P2RY12: variants seen among roughly 807,000 people sequenced by gnomAD.
P2RY12 encodes the protein purinergic receptor P2Y12.
Under a neutral mutation model 4.5 loss-of-function variants are expected in P2RY12, and 3 were observed. The ratio of observed to expected loss-of-function variants is 0.67; its 90% confidence interval spans 0.31 to 1.74. The LOEUF (loss-of-function observed/expected upper bound fraction) is 1.74. P2RY12 is among the 40% of genes most tolerant of loss of function. The pLI, the probability that P2RY12 is intolerant of heterozygous loss-of-function variation, is 0.09. For missense variants in P2RY12, 356 were observed against 407.8 expected, an observed-to-expected ratio of 0.87 and a Z score of 1.09; for synonymous variants, 148 against 154.1, an observed-to-expected ratio of 0.96 and a Z score of 0.29.
intron 1 of P2RY12, chr3:151,382,639 T>A: frequency 6.3e-7 from 1 of 1,596,040 alleles, no homozygotes; most frequent in South Asian, 1.1e-5. Flanking sequence ...AATGGGGAGT[T>A]TTTTTCCGGA....
At chr3:151,347,904 A>T (rs1189270130) in intron 1 of P2RY12, among the ~76,000 whole-genome samples, 1 of 152,206 alleles carries the variant, frequency 6.6e-6, no homozygotes, top group Non-Finnish European at 1.5e-5. Context: ...ACCAGTATGC[A>T]GTCACAGCTC....
intron 1 of P2RY12, chr3:151,355,051 A>C (rs970853195): frequency 3.6e-6 from 4 of 1,111,456 alleles, no homozygotes; most frequent in Non-Finnish European, 5.4e-6. Flanking sequence ...CTTTAAAAAA[A>C]AGTATCCATT....
chr3:151,361,577 A>G (rs1483339325), intron 1 of P2RY12, among the ~76,000 whole-genome samples: 1 of 152,132 alleles, frequency 6.6e-6, no homozygotes, highest in East Asian at 1.9e-4. Flanking sequence ...GGAATATTTT[A>G]TTGTTTAATG....
chr3:151,356,574 G>A (rs1753949018), intron 1 of P2RY12, among the ~76,000 whole-genome samples: 1 of 151,800 alleles, frequency 6.6e-6, no homozygotes, highest in African/African-American at 2.4e-5. Flanking sequence ...TATCATTGGT[G>A]CCAAAATATA....
chr3:151,382,762 G>T (rs1230431709), intron 1 of P2RY12: 2 of 1,589,296 alleles, frequency 1.3e-6, no homozygotes. Context: ...GACATTTCTA[G>T]TATTTTCCCT....
chr3:151,366,530 C>G (rs3975403), intron 1 of P2RY12, among the ~76,000 whole-genome samples: 116,235 of 152,196 alleles, frequency 0.76, 45,062 homozygotes, highest in African/African-American at 0.89. Flanking sequence ...ATATCACTGA[C>G]TTCCTTGGAT....
At chr3:151,344,535 A>G (rs1752292669) in intron 1 of P2RY12, among the ~76,000 whole-genome samples, 1 of 152,170 alleles carries the variant, frequency 6.6e-6, no homozygotes, top group Non-Finnish European at 1.5e-5. Flanking sequence ...AAATGCATTT[A>G]TTGTTTCTAA....
At chr3:151,354,360 C>T (rs536321158) in intron 1 of P2RY12, among the ~76,000 whole-genome samples, 1 of 152,066 alleles carries the variant, frequency 6.6e-6, no homozygotes, top group Non-Finnish European at 1.5e-5. Flanking sequence ...TTGGAATTTT[C>T]TTCAAACCTC....
chr3:151,357,338 A>G, intron 1 of P2RY12: 3 of 1,613,536 alleles, frequency 1.9e-6, no homozygotes, highest in Non-Finnish European at 2.5e-6. Context: ...ACAGTTGTCT[A>G]ATCTTGAATC....
At chr3:151,367,856 T>A (rs1755474121) in intron 1 of P2RY12, 1 of 1,424,516 alleles carries the variant, frequency 7.0e-7, no homozygotes, top group African/African-American at 1.4e-5. Flanking sequence ...AAGGAGTATT[T>A]GAGGGTATGT....
At chr3:151,368,672 T>TTCATTTCATG (rs1755701576) in intron 1 of P2RY12, among the ~76,000 whole-genome samples, 3 of 65,128 alleles carry the variant, frequency 4.6e-5, no homozygotes, top group East Asian at 3.9e-4. Flanking sequence ...TTCATTTCAT[T>TTCATTTCATG]TCATGTCATT....
At chr3:151,355,774 T>G (rs1753842136) in intron 1 of P2RY12, 2 of 753,186 alleles carry the variant, frequency 2.7e-6, no homozygotes, top group Non-Finnish European at 4.0e-6. Flanking sequence ...AAACACGTTT[T>G]GACTTTCGTC....
intron 1 of P2RY12, among the ~76,000 whole-genome samples, chr3:151,372,973 A>T (rs894491490): frequency 1.3e-5 from 2 of 152,088 alleles, no homozygotes; most frequent in African/African-American, 4.8e-5. Context: ...TAATTTTTAC[A>T]TTTTGCTACA....
intron 1 of P2RY12, among the ~76,000 whole-genome samples, chr3:151,377,739 TAGAG>T (rs1413933317): frequency 6.6e-6 from 1 of 152,186 alleles, no homozygotes; most frequent in African/African-American, 2.4e-5. Flanking sequence ...TGTTTTTAAT[TAGAG>T]AGAGGGGGTC....
intron 1 of P2RY12, chr3:151,372,649 T>C: frequency 6.2e-7 from 1 of 1,613,924 alleles, no homozygotes; most frequent in South Asian, 1.1e-5. Context: ...GTGATGGGAA[T>C]GCTGATGATA....
intron 1 of P2RY12, among the ~76,000 whole-genome samples, chr3:151,375,243 T>C (rs1466560471): frequency 6.6e-6 from 1 of 152,220 alleles, no homozygotes; most frequent in Non-Finnish European, 1.5e-5. Flanking sequence ...TCCCAGGTAA[T>C]TTTAGTGGGC....
intron 1 of P2RY12, chr3:151,372,779 A>C: frequency 6.2e-7 from 1 of 1,607,500 alleles, no homozygotes; most frequent in Non-Finnish European, 8.5e-7. Flanking sequence ...ATTCTAATTT[A>C]ATTTGCCTTT....
intron 1 of P2RY12, among the ~76,000 whole-genome samples, chr3:151,353,802 A>T (rs1753547204): frequency 1.3e-5 from 2 of 152,220 alleles, no homozygotes; most frequent in African/African-American, 4.8e-5. Context: ...AGAAGACGAC[A>T]GTGTGAGGAG....
chr3:151,338,295 A>G lies in P2RY12; in HGVS notation c.551T>C (p.Leu184Pro). 6.2e-7 allele frequency: 1 copy of G among 1,614,150 alleles called. No individual in the cohort carries two copies. Among genetic ancestry groups the G allele is most frequent in the Non-Finnish European group, 8.5e-7 (1 of 1,180,004 alleles). The stretch of plus-strand genomic sequence containing the variant: ...GTAATTTACTATTTCATGCCAGACT[A>G]GACCGAACTCTGATTTAAGGAAAGA... ...KCSFLKSEFG[L>P]VWHEIVNYIC... The change falls in exon 3 of 3, where the codon CTA becomes CCA. Residue 184 changes from leucine (L) to proline (P), a missense_variant. Leu to Pro is a moderately conservative substitution (Grantham distance 98). Coordinates refer to ENST00000302632, the MANE Select transcript of P2RY12 (RefSeq NM_022788.5).
Sources: allele counts gnomAD v4.1 joint callset (sites outside exome capture counted in the v4.1 genomes callset), GRCh38; gene constraint gnomAD v4.1.1; transcripts MANE v1.5; gene names NCBI Gene and HGNC (gene_info 2026-07-23, HGNC 2026-07-21).